TTC27: variants seen among roughly 807,000 people sequenced by gnomAD.
The protein encoded by TTC27 is tetratricopeptide repeat protein 27.
A neutral mutation model predicts 115.9 loss-of-function variants in TTC27; 79 were observed. The observed-to-expected ratio is 0.68, with a 90% CI of 0.57 to 0.82. TTC27 has a LOEUF of 0.82. Among genes scored for constraint, TTC27 ranks in the 40% least tolerant of loss-of-function variants. TTC27 has a pLI of 0.00. For synonymous variants in TTC27, 401 were observed against 356.0 expected, an observed-to-expected ratio of 1.13 and a Z score of -1.42; for missense variants, 1,054 against 993.1, an observed-to-expected ratio of 1.06 and a Z score of -0.82.
chr2:32,681,972 GTA>G (rs67099066), intron 9 of TTC27, among the ~76,000 whole-genome samples: 2,044 of 74,614 alleles, frequency 0.027, 40 homozygotes, highest in African/African-American at 0.049. Flanking sequence ...TTATATATAT[GTA>G]TATATATGTG....
At chr2:32,671,461 G>A (rs916145022) in intron 7 of TTC27, among the ~76,000 whole-genome samples, 1 of 152,018 alleles carries the variant, frequency 6.6e-6, no homozygotes, top group Non-Finnish European at 1.5e-5. Context: ...TTATTGAAAG[G>A]CTTTACCTGT....
chr2:32,651,415 C>T (rs907482203), intron 5 of TTC27, among the ~76,000 whole-genome samples: 2 of 152,132 alleles, frequency 1.3e-5, no homozygotes, highest in Admixed American at 6.5e-5. Flanking sequence ...GGCGCAATCT[C>T]GGCTCACTGC....
intron 18 of TTC27, among the ~76,000 whole-genome samples, chr2:32,812,829 A>G (rs1237018955): frequency 1.3e-5 from 2 of 152,254 alleles, no homozygotes; most frequent in Non-Finnish European, 2.9e-5. Flanking sequence ...AGAGGCTTAT[A>G]TTCTGTTGGA....
chr2:32,775,413 T>G (rs1053006578), intron 13 of TTC27, among the ~76,000 whole-genome samples: 2 of 152,178 alleles, frequency 1.3e-5, no homozygotes, highest in African/African-American at 4.8e-5. Flanking sequence ...TTAGCCAGGA[T>G]GGTCTCGATC....
rs1032319912 is a variant in TTC27 at position 32,637,038 on chromosome 2, A to T, written c.396+3033A>T. ...AAACTTTGACTAAGTCTTTGATTTT[A>T]ACTTTTTTATTGGAACTACTGCCAA... On this transcript the variant is annotated intron_variant, in intron 3 of 19. Coordinates refer to ENST00000317907, the MANE Select transcript of TTC27 (RefSeq NM_017735.5). Among the ~76,000 whole-genome samples, 3 of 152,314 alleles carry T rather than the reference A, an allele frequency of 2.0e-5. No homozygotes were observed. The South Asian group carries it at 6.2e-4, about 32-fold the overall frequency.
At position 32,708,102 on chromosome 2, in the gene TTC27, A is replaced by C. The variant is rs1370564835; in HGVS notation, c.1233+5182A>C. 2.0e-5 allele frequency among the ~76,000 whole-genome samples: 3 copies of C among 152,112 alleles called. No individual in the cohort carries two copies. In the East Asian group the frequency reaches 5.8e-4, roughly 29 times the overall value. The stretch of plus-strand genomic sequence containing the variant: ...TGAACAACACTGCTTTGAACTATAC[A>C]GGTTCGCTTATATATGGGTTTTCTT... On this transcript the variant is annotated intron_variant, in intron 10 of 19. Coordinates refer to ENST00000317907, the MANE Select transcript of TTC27 (RefSeq NM_017735.5).
intron 14 of TTC27, 88 bp from the exon 15 acceptor site, chr2:32,782,538 G>A (rs2148017293): frequency 3.5e-6 from 4 of 1,136,770 alleles, no homozygotes; most frequent in Non-Finnish European, 5.2e-6. Flanking sequence ...GCATATATTG[G>A]ACTAGGAGAG....
At chr2:32,763,103 C>T (rs1669504149) in intron 13 of TTC27, among the ~76,000 whole-genome samples, 1 of 152,146 alleles carries the variant, frequency 6.6e-6, no homozygotes, top group Non-Finnish European at 1.5e-5. Flanking sequence ...GACAATTGCT[C>T]AAAGCAGAGT....
chr2:32,783,968 C>T (rs1670263956), intron 15 of TTC27, among the ~76,000 whole-genome samples: 1 of 152,160 alleles, frequency 6.6e-6, no homozygotes. Flanking sequence ...TGAAATGCTG[C>T]CTCTGCTCTT....
At chr2:32,705,871 A>G (rs1240165266) in intron 10 of TTC27, among the ~76,000 whole-genome samples, 1 of 152,172 alleles carries the variant, frequency 6.6e-6, no homozygotes, top group African/African-American at 2.4e-5. Context: ...TCTTCTCTGC[A>G]TAAGTTAGCA....
intron 12 of TTC27, among the ~76,000 whole-genome samples, chr2:32,746,563 C>CAAAAAAAAA (rs770621313): frequency 0.016 from 747 of 46,130 alleles, 79 homozygotes; most frequent in Non-Finnish European, 0.019. Context: ...AACTCCATCT[C>CAAAAAAAAA]AAAAAAAAAA....
At chr2:32,693,916 G>T (rs965786397) in intron 9 of TTC27, among the ~76,000 whole-genome samples, 4 of 152,182 alleles carry the variant, frequency 2.6e-5, no homozygotes, top group African/African-American at 9.6e-5. Flanking sequence ...CATAGAATGT[G>T]TTATATAAAT....
intron 16 of TTC27, among the ~76,000 whole-genome samples, chr2:32,790,213 T>TG (rs1443501261): frequency 6.6e-6 from 1 of 152,054 alleles, no homozygotes; most frequent in African/African-American, 2.4e-5. Context: ...CAATGTAACA[T>TG]GTTCTAATCC....
At chr2:32,657,723 C>T (rs1471298743) in intron 5 of TTC27, among the ~76,000 whole-genome samples, 1 of 152,094 alleles carries the variant, frequency 6.6e-6, no homozygotes, top group Admixed American at 6.6e-5. Flanking sequence ...TTTTCATACC[C>T]CTTTCCCCTA....
At chr2:32,815,399 G>A (rs187761842) in intron 18 of TTC27, among the ~76,000 whole-genome samples, 38 of 151,416 alleles carry the variant, frequency 2.5e-4, no homozygotes, top group Admixed American at 1.8e-3. Context: ...CACCACGCCC[G>A]GCTAATTTTT....
rs754309455 is a variant in TTC27 at position 32,811,209 on chromosome 2, T to G, written c.2184T>G (p.Asp728Glu). The change falls in exon 17 of 20, where the codon GAT (aspartate) becomes GAG (glutamate). Residue 728 changes from aspartate (D) to glutamate (E), a missense_variant. Coordinates refer to ENST00000317907, the MANE Select transcript of TTC27 (RefSeq NM_017735.5). ...GAAATGGGCAGAGTGAAAAGCCTGATGAAAATGAAAAGGCAAGTCCTTCAT... is the reference window on the plus strand; with the variant it reads ...GAAATGGGCAGAGTGAAAAGCCTGAGGAAAATGAAAAGGCAAGTCCTTCAT... ...VYGNGQSEKP[D>E]ENEKAFQCLS... The G allele has an allele frequency of 5.0e-6, 8 of 1,613,492 alleles. No individual in the cohort carries two copies.
intron 9 of TTC27, among the ~76,000 whole-genome samples, chr2:32,686,691 C>T (rs1463918690): frequency 6.6e-6 from 1 of 151,844 alleles, no homozygotes; most frequent in Non-Finnish European, 1.5e-5. Flanking sequence ...TGGAACTACC[C>T]TTCTGCAGAA....
intron 13 of TTC27, among the ~76,000 whole-genome samples, chr2:32,760,894 G>T (rs1475339473): frequency 6.6e-6 from 1 of 152,050 alleles, no homozygotes; most frequent in Non-Finnish European, 1.5e-5. Context: ...TCCTTCTCAG[G>T]CTCCCTTGCT....
Position 32,816,281 on chromosome 2 carries a change from C to T in TTC27, c.2309-1176C>T, listed in dbSNP as rs189241317. On this transcript the variant is annotated intron_variant, in intron 18 of 19. Coordinates refer to ENST00000317907, the MANE Select transcript of TTC27 (RefSeq NM_017735.5). Reference sequence around the variant, plus strand: ...GCAGTGAGCCATGATTGTGTCACTGCACTCCAGCCTCGGTGACAGAGCGAG... The same window carrying T: ...GCAGTGAGCCATGATTGTGTCACTGTACTCCAGCCTCGGTGACAGAGCGAG... Among the ~76,000 whole-genome samples the T allele has an allele frequency of 5.5e-3, 832 of 151,568 alleles. 10 individuals carry two copies. The highest frequency in any genetic ancestry group is 0.019 in the African/African-American group (785 of 41,278).
Sources: gnomAD v4.1 joint callset for allele counts (sites outside exome capture counted in the v4.1 genomes callset) on GRCh38, gnomAD v4.1.1 for gene constraint, MANE v1.5 for transcripts, NCBI Gene and HGNC (gene_info 2026-07-23, HGNC 2026-07-21) for gene names.